The following ZSCAN25 variants were observed in gnomAD, a reference collection of about 807,000 sequenced individuals.
ZSCAN25 encodes the protein zinc finger and SCAN domain-containing protein 25.
ZSCAN25 carries 27 observed loss-of-function variants against 38.7 expected under a neutral mutation model. The ratio of observed to expected loss-of-function variants is 0.70; its 90% confidence interval spans 0.51 to 0.96. ZSCAN25 has a LOEUF of 0.96. ZSCAN25 is among the 40% of genes least tolerant of loss of function. The probability of loss-of-function intolerance (pLI) is 0.00; values close to 1 mark genes in which losing one functional copy is unlikely to be tolerated. For missense variants in ZSCAN25, 637 were observed against 705.9 expected, an observed-to-expected ratio of 0.90 and a Z score of 1.11; for synonymous variants, 273 against 277.7, an observed-to-expected ratio of 0.98 and a Z score of 0.17.
At chr7:99,722,981 C>T in the ZSCAN25 span, among the ~76,000 whole-genome samples, 3 of 151,952 alleles carry the variant, frequency 2.0e-5, no homozygotes, top group South Asian at 2.1e-4. Context: ...CTCTACACAT[C>T]GGAGACAGAA....
the ZSCAN25 span, among the ~76,000 whole-genome samples, chr7:99,657,324 C>G: frequency 1.3e-5 from 2 of 152,110 alleles, no homozygotes; most frequent in Non-Finnish European, 2.9e-5. Context: ...TTATTTCTGC[C>G]TTCATTTCGT....
chr7:99,617,536 A>G (rs1806576892), intron 1 of ZSCAN25, among the ~76,000 whole-genome samples: 1 of 151,232 alleles, frequency 6.6e-6, no homozygotes, highest in African/African-American at 2.4e-5. Context: ...ACTTACATTC[A>G]TGCCGCTGCA....
At chr7:99,703,043 G>A in the ZSCAN25 span, among the ~76,000 whole-genome samples, 1 of 152,018 alleles carries the variant, frequency 6.6e-6, no homozygotes, top group Admixed American at 6.6e-5. Flanking sequence ...TTGCCAAATT[G>A]TTCACTATTG....
At chr7:99,701,504 A>T in the ZSCAN25 span, among the ~76,000 whole-genome samples, 1 of 152,192 alleles carries the variant, frequency 6.6e-6, no homozygotes, top group African/African-American at 2.4e-5. Flanking sequence ...TGATAGGTCC[A>T]TTTTAATGTT....
chr7:99,721,583 C>T, the ZSCAN25 span, among the ~76,000 whole-genome samples: 1 of 152,170 alleles, frequency 6.6e-6, no homozygotes, highest in Non-Finnish European at 1.5e-5. Context: ...GTCCCTGGGC[C>T]ACCAAAGCTT....
chr7:99,725,847 G>C, the ZSCAN25 span, among the ~76,000 whole-genome samples: 21 of 152,094 alleles, frequency 1.4e-4, no homozygotes, highest in Admixed American at 1.4e-3. Flanking sequence ...ATCGATAGGG[G>C]GGATACCCAC....
At chr7:99,704,973 G>T in the ZSCAN25 span, 1 of 154,738 alleles carries the variant, frequency 6.5e-6, no homozygotes, top group Admixed American at 6.4e-5. Flanking sequence ...AAAATATTTA[G>T]TTGTTGGTTC....
the ZSCAN25 span, among the ~76,000 whole-genome samples, chr7:99,719,474 C>G: frequency 1.7e-3 from 260 of 152,072 alleles, no homozygotes; most frequent in African/African-American, 6.0e-3. Context: ...AAAAATAACA[C>G]AAAATAGATA....
At chr7:99,661,221 C>A in the ZSCAN25 span, among the ~76,000 whole-genome samples, 1 of 152,206 alleles carries the variant, frequency 6.6e-6, no homozygotes, top group Non-Finnish European at 1.5e-5. Flanking sequence ...CATGGACCAG[C>A]AGCACCAGCC....
At chr7:99,711,637 G>T in the ZSCAN25 span, among the ~76,000 whole-genome samples, 1 of 152,104 alleles carries the variant, frequency 6.6e-6, no homozygotes, top group Non-Finnish European at 1.5e-5. Context: ...GCATGGTGAC[G>T]CATGCCTGTA....
chr7:99,696,134 G>A, the ZSCAN25 span, among the ~76,000 whole-genome samples: 1 of 152,130 alleles, frequency 6.6e-6, no homozygotes, highest in African/African-American at 2.4e-5. Flanking sequence ...CTCCTCAGAG[G>A]TTCAGGAAGG....
At chr7:99,716,040 C>T in the ZSCAN25 span, 1 of 1,541,398 alleles carries the variant, frequency 6.5e-7, no homozygotes, top group Non-Finnish European at 8.9e-7. Context: ...TTTACTGGAG[C>T]ATCTCCCATC....
chr7:99,721,678 A>G, the ZSCAN25 span, among the ~76,000 whole-genome samples: 4 of 152,218 alleles, frequency 2.6e-5, no homozygotes, highest in Non-Finnish European at 4.4e-5. Flanking sequence ...CCTTGGTAGG[A>G]CAAATCTCAA....
the ZSCAN25 span, among the ~76,000 whole-genome samples, chr7:99,668,104 CAACA>C: frequency 2.6e-5 from 4 of 151,996 alleles, no homozygotes; most frequent in African/African-American, 7.2e-5. Context: ...GATACAAGAT[CAACA>C]AACAAAATTA....
the ZSCAN25 span, among the ~76,000 whole-genome samples, chr7:99,716,155 A>G: frequency 1.2e-4 from 18 of 152,286 alleles, no homozygotes; most frequent in Non-Finnish European, 2.2e-4. Flanking sequence ...GAGGTCAAGG[A>G]GCCTAGTCAT....
chr7:99,717,712 A>G, the ZSCAN25 span: 10 of 1,545,648 alleles, frequency 6.5e-6, no homozygotes, highest in Non-Finnish European at 8.9e-6. Flanking sequence ...AAATGTGTTA[A>G]ACAGGCATCA....
chr7:99,735,744 T>C, the ZSCAN25 span, among the ~76,000 whole-genome samples: 2 of 152,230 alleles, frequency 1.3e-5, no homozygotes, highest in South Asian at 4.1e-4. Flanking sequence ...CCATTGTGTG[T>C]TTCCAGGCCT....
At chr7:99,642,754 A>G in the ZSCAN25 span, among the ~76,000 whole-genome samples, 100 of 152,296 alleles carry the variant, frequency 6.6e-4, no homozygotes, top group Non-Finnish European at 9.8e-4. Context: ...TTCCTGTTCT[A>G]CCACATGCCC....
At chr7:99,655,376 A>T in the ZSCAN25 span, among the ~76,000 whole-genome samples, 1 of 152,192 alleles carries the variant, frequency 6.6e-6, no homozygotes, top group Non-Finnish European at 1.5e-5. Flanking sequence ...TTTGTCAAAG[A>T]TCAGATGGTT....
Sources: allele counts gnomAD v4.1 joint callset (sites outside exome capture counted in the v4.1 genomes callset), GRCh38; gene constraint gnomAD v4.1.1; transcripts MANE v1.5; gene names NCBI Gene and HGNC (gene_info 2026-07-23, HGNC 2026-07-21).